RP1: variants seen among roughly 807,000 people sequenced by gnomAD.
The protein encoded by RP1 is oxygen-regulated protein 1.
A neutral mutation model predicts 14.8 loss-of-function variants in RP1; 16 were observed. That is an observed-to-expected ratio of 1.08 (90% CI 0.73 to 1.65). The LOEUF is 1.65. Among genes scored for constraint, RP1 ranks in the 40% most tolerant of loss-of-function variants. The pLI is 0.00. For missense variants in RP1, 2,631 were observed against 2,535.0 expected, an observed-to-expected ratio of 1.04 and a Z score of -0.81; for synonymous variants, 876 against 883.6, an observed-to-expected ratio of 0.99 and a Z score of 0.15.
chr8:54,773,467 T>G (rs1001771208), downstream of RP1, among the ~76,000 whole-genome samples: 5 of 151,976 alleles, frequency 3.3e-5, no homozygotes, highest in African/African-American at 9.7e-5. Context: ...TGAAACTCGA[T>G]CTCTACTAAA....
At chr8:54,768,989 C>G (rs1809835110) in intron 22 of RP1, among the ~76,000 whole-genome samples, 1 of 151,808 alleles carries the variant, frequency 6.6e-6, no homozygotes, top group Non-Finnish European at 1.5e-5. Flanking sequence ...CTCTGCCTCC[C>G]AGGTTCACGC....
intron 1 of RP1, among the ~76,000 whole-genome samples, chr8:54,566,000 T>C (rs1235315158): frequency 6.6e-6 from 1 of 152,274 alleles, no homozygotes; most frequent in Non-Finnish European, 1.5e-5. Context: ...TCTGCCTTCA[T>C]CTTCACACTG....
At chr8:54,591,934 T>G (rs1411315518) in intron 1 of RP1, among the ~76,000 whole-genome samples, 1 of 152,208 alleles carries the variant, frequency 6.6e-6, no homozygotes, top group East Asian at 1.9e-4. Context: ...AGGTTTCGTT[T>G]TGGCACTAGC....
exon 5 of RP1, chr8:54,652,865 A>T: frequency 2.6e-6 from 4 of 1,533,464 alleles, no homozygotes; most frequent in Non-Finnish European, 3.5e-6. Flanking sequence ...CACTGCAAGG[A>T]GGTAAGGATA....
rs60141236 is a variant in RP1, at chr8:54,580,025, G to A, written c.-13+20705G>A. Among the ~76,000 whole-genome samples, 24 of 152,284 alleles carry A rather than the reference G, an allele frequency of 1.6e-4. No individual in the cohort carries two copies. The East Asian group carries it at 4.2e-3, about 27-fold the overall frequency. ...ACCAACAAACCCTGACAAAGGTGCT[G>A]TAGTAATGGCCCAGAGCAGCAGAAA... On this transcript the variant is annotated intron_variant, in intron 1 of 22. Coordinates refer to the RP1 transcript ENST00000636932.
At chr8:54,803,174 T>C (rs1372944957) in intron 24 of RP1, among the ~76,000 whole-genome samples, 1 of 152,222 alleles carries the variant, frequency 6.6e-6, no homozygotes, top group African/African-American at 2.4e-5. Flanking sequence ...TCTTATTTTT[T>C]AGTCTAATCA....
intron 24 of RP1, among the ~76,000 whole-genome samples, chr8:54,836,909 T>C (rs1199495248): frequency 6.6e-6 from 1 of 152,248 alleles, no homozygotes; most frequent in Non-Finnish European, 1.5e-5. Context: ...AAAATATTGC[T>C]TATTCTGGAT....
At chr8:54,679,608 A>C (rs771944033) in exon 11 of RP1, 14 of 1,535,858 alleles carry the variant, frequency 9.1e-6, no homozygotes, top group Non-Finnish European at 6.1e-6. Flanking sequence ...CAGAAATTGG[A>C]ACTTAAGAGA....
chr8:54,657,830 G>A (rs1218583201), intron 6 of RP1, among the ~76,000 whole-genome samples: 4 of 152,248 alleles, frequency 2.6e-5, no homozygotes, highest in East Asian at 3.9e-4. Flanking sequence ...ATTTTCCTGC[G>A]AAGGATAAAG....
At chr8:54,844,220 C>T (rs543305495) in intron 25 of RP1, among the ~76,000 whole-genome samples, 5 of 152,106 alleles carry the variant, frequency 3.3e-5, no homozygotes, top group Admixed American at 6.5e-5. Context: ...CCCAAAGAAC[C>T]CTTCATACCA....
chr8:54,710,116 G>A (rs117694617), intron 15 of RP1, among the ~76,000 whole-genome samples: 1 of 152,182 alleles, frequency 6.6e-6, no homozygotes, highest in East Asian at 1.9e-4. Flanking sequence ...ACATGAGGGA[G>A]ACACAAGGGG....
downstream of RP1, among the ~76,000 whole-genome samples, chr8:54,631,993 C>T (rs1339259976): frequency 6.6e-6 from 1 of 152,014 alleles, no homozygotes; most frequent in East Asian, 1.9e-4. Flanking sequence ...AGGCATGCAC[C>T]ACCACACCTG....
At chr8:54,820,562 G>A (rs770909355) in intron 24 of RP1, among the ~76,000 whole-genome samples, 5 of 152,000 alleles carry the variant, frequency 3.3e-5, no homozygotes, top group Non-Finnish European at 5.9e-5. Flanking sequence ...GCTGTGACAG[G>A]GCAGCACTGA....
At chr8:54,681,052 T>G (rs1585601805) in intron 12 of RP1, among the ~76,000 whole-genome samples, 1 of 152,280 alleles carries the variant, frequency 6.6e-6, no homozygotes, top group East Asian at 1.9e-4. Flanking sequence ...GACATTTTCC[T>G]TACCTCGGCA....
downstream of RP1, chr8:54,769,994 T>C: frequency 2.0e-6 from 1 of 499,256 alleles, no homozygotes. Flanking sequence ...TTGTGTGCCC[T>C]AATTGAAGTT....
rs1325431863 is a variant in RP1 at position 54,649,149 on chromosome 8, G to A, written c.951+1G>A. On this transcript the variant is annotated splice_donor_variant, in intron 4 of 22. Coordinates refer to the RP1 transcript ENST00000636932. LOFTEE classifies it high-confidence loss of function. ...GGTTGGCCATGAAGACATATTTACT[G>A]TAAGTAATAAAACTGAGTATAAACT... 1.3e-6 allele frequency: 2 copies of A among 1,481,806 alleles called. No homozygotes were observed. Among genetic ancestry groups the A allele is most frequent in the Non-Finnish European group, 1.8e-6 (2 of 1,129,488 alleles). The allele number at this position is 1,481,806 out of a possible 1,614,324, so 91.8% of individuals were successfully genotyped here. A position where few individuals can be genotyped will look rare whatever the true frequency, so the allele number is the denominator to read the frequency against.
intron 23 of RP1, among the ~76,000 whole-genome samples, chr8:54,777,994 AATAG>A (rs1407864631): frequency 2.6e-5 from 4 of 152,258 alleles, no homozygotes; most frequent in African/African-American, 9.6e-5. Flanking sequence ...AAATAATCTT[AATAG>A]TATCTTGAAT....
At chr8:54,571,394 G>C (rs1007327398) in intron 1 of RP1, among the ~76,000 whole-genome samples, 1 of 152,170 alleles carries the variant, frequency 6.6e-6, no homozygotes, top group Non-Finnish European at 1.5e-5. Context: ...GTGTCCTGGT[G>C]CCTAACATAT....
intron 1 of RP1, among the ~76,000 whole-genome samples, chr8:54,597,483 AC>A (rs906329562): frequency 2.0e-5 from 3 of 152,128 alleles, no homozygotes; most frequent in Non-Finnish European, 4.4e-5. Flanking sequence ...AGAAATGGGA[AC>A]ATGAGTCTAC....
Sources: gnomAD v4.1 joint callset for allele counts (sites outside exome capture counted in the v4.1 genomes callset) on GRCh38, gnomAD v4.1.1 for gene constraint, MANE v1.5 for transcripts, NCBI Gene and HGNC (gene_info 2026-07-23, HGNC 2026-07-21) for gene names.